Variants in ASAP1 observed in about 807,000 individuals in gnomAD.
ASAP1 encodes arf-GAP with SH3 domain, ANK repeat and PH domain-containing protein 1.
A neutral mutation model predicts 145.2 loss-of-function variants in ASAP1; 43 were observed. That is an observed-to-expected ratio of 0.30 (90% confidence interval 0.23 to 0.38). The LOEUF (loss-of-function observed/expected upper bound fraction) is 0.38, where lower values mean the gene tolerates loss of function less well. Ranked by LOEUF, ASAP1 falls within the 10% of genes least tolerant of loss-of-function variation. The pLI is 1.00. For synonymous variants in ASAP1, 546 were observed against 515.5 expected, an observed-to-expected ratio of 1.06 and a Z score of -0.80; for missense variants, 1,018 against 1,355.3, an observed-to-expected ratio of 0.75 and a Z score of 3.91.
intron 12 of ASAP1, among the ~76,000 whole-genome samples, chr8:130,156,273 T>G (rs954418467): frequency 2.0e-5 from 3 of 152,202 alleles, no homozygotes; most frequent in African/African-American, 7.2e-5. Context: ...TGTATAAGCA[T>G]TTCAATTTTT....
intron 1 of ASAP1, among the ~76,000 whole-genome samples, chr8:130,407,856 G>T (rs959793775): frequency 1.3e-5 from 2 of 152,186 alleles, no homozygotes; most frequent in African/African-American, 2.4e-5. Flanking sequence ...CTTTTATAGA[G>T]GATGTTATAA....
At chr8:130,173,775 A>G (rs1044551578) in intron 9 of ASAP1, among the ~76,000 whole-genome samples, 5 of 149,280 alleles carry the variant, frequency 3.3e-5, no homozygotes, top group African/African-American at 1.2e-4. Flanking sequence ...CTCAAAAAGA[A>G]AAAAAAAAAT....
At chr8:130,397,972 T>C (rs1157520216) in intron 2 of ASAP1, among the ~76,000 whole-genome samples, 2 of 152,216 alleles carry the variant, frequency 1.3e-5, no homozygotes, top group Non-Finnish European at 2.9e-5. Context: ...ACATAAGTAA[T>C]AAGCAGTTAT....
chr8:130,364,532 T>C lies in ASAP1; in HGVS notation c.60-6389A>G, dbSNP rs538160887. Among the ~76,000 whole-genome samples the C allele has an allele frequency of 3.7e-4, 57 of 152,364 alleles. 1 individual carries two copies. The highest frequency in any genetic ancestry group is 3.3e-3 in the Admixed American group (50 of 15,306). ...CCATGTGATCAGCCACCATGCTCTG[T>C]TGGCTTATCAAAGACAATGGATGAG... On this transcript the variant is annotated intron_variant, in intron 2 of 29. Transcript: ENST00000518721.
intron 3 of ASAP1, among the ~76,000 whole-genome samples, chr8:130,301,992 G>C (rs1306236086): frequency 6.6e-6 from 1 of 152,198 alleles, no homozygotes. Context: ...CTAGAGCCCA[G>C]AGCCTGCTAC....
intron 4 of ASAP1, among the ~76,000 whole-genome samples, chr8:130,229,499 G>C (rs1817781094): frequency 6.6e-6 from 1 of 152,174 alleles, no homozygotes. Flanking sequence ...GACTGTAGTT[G>C]TCAAGAAGGG....
chr8:130,397,204 G>A lies in ASAP1; in HGVS notation c.59+4681C>T, dbSNP rs576727057. On this transcript the variant is annotated intron_variant, in intron 2 of 29. Coordinates refer to ENST00000518721, the MANE Select transcript of ASAP1 (RefSeq NM_018482.4). ...TGCCCAGACTGGAGTGCAATGGCACGATCTCAGCTCACTGCAACCTCTGCC... is the reference window on the plus strand; with the variant it reads ...TGCCCAGACTGGAGTGCAATGGCACAATCTCAGCTCACTGCAACCTCTGCC... 1.6e-3 allele frequency among the ~76,000 whole-genome samples: 244 copies of A among 152,176 alleles called. 1 individual carries two copies. The Middle Eastern group carries it at 0.02, about 13-fold the overall frequency.
chr8:130,247,064 AC>A (rs1818894690), intron 3 of ASAP1: 1 of 152,128 alleles, frequency 6.6e-6, no homozygotes, highest in Non-Finnish European at 1.5e-5. Flanking sequence ...GGTCATAGAG[AC>A]CTGTGTCACT....
Position 130,410,607 on chromosome 8 carries a change from T to G in ASAP1, c.-27-8637A>C, listed in dbSNP as rs1457805716. 2.0e-5 allele frequency among the ~76,000 whole-genome samples: 3 copies of G among 152,248 alleles called. No individual in the cohort carries two copies. The East Asian group carries it at 5.8e-4, about 29-fold the overall frequency. On this transcript the variant is annotated intron_variant, in intron 1 of 29. Transcript: ENST00000518721. The stretch of plus-strand genomic sequence containing the variant: ...AAATCCAAGGGAGCCTAGGGTCTGC[T>G]GTGCTGCCCATTGTGTGATCATATC...
At chr8:130,125,821 C>T (rs573690344) in intron 17 of ASAP1, 135 bp downstream of exon 17, 12 of 841,670 alleles carry the variant, frequency 1.4e-5, no homozygotes, top group Admixed American at 6.3e-5. Flanking sequence ...ACATTTTAAA[C>T]GTCTACGCAA....
At chr8:130,433,088 G>A (rs1293044086) in intron 1 of ASAP1, among the ~76,000 whole-genome samples, 1 of 152,202 alleles carries the variant, frequency 6.6e-6, no homozygotes, top group South Asian at 2.1e-4. Context: ...ACTGTCCTAC[G>A]AGAGGAAACT....
rs5895034 is a variant in ASAP1, at chr8:130,074,486, C to CACACACACACAG, written c.2701+1861_2701+1862insCTGTGTGTGTGT. Among the ~76,000 whole-genome samples the CACACACACACAG allele has an allele frequency of 6.1e-4, 86 of 140,584 alleles. 1 individual carries two copies. The highest frequency in any genetic ancestry group is 9.4e-4 in the South Asian group (4 of 4,270). The allele number at this position is 140,584 out of a possible 152,430, so 92.2% of individuals were successfully genotyped here. On this transcript the variant is annotated intron_variant, in intron 27 of 29. Transcript: ENST00000518721. ...ACACACACACACACACACACACACACAGAGAGAACGAGAGTAGAGCAACGG... is the reference window on the plus strand; with the variant it reads ...ACACACACACACACACACACACACACACACACACACAGAGAGAGAACGAGAGTAGAGCAACGG...
At chr8:130,190,250 C>T (rs573537317) in intron 5 of ASAP1, among the ~76,000 whole-genome samples, 9 of 152,044 alleles carry the variant, frequency 5.9e-5, no homozygotes, top group Non-Finnish European at 1.2e-4. Flanking sequence ...GGAGAGTTTC[C>T]CCCAAAGTTT....
intron 2 of ASAP1, among the ~76,000 whole-genome samples, chr8:130,384,787 C>A (rs1827936346): frequency 6.6e-6 from 1 of 152,158 alleles, no homozygotes; most frequent in Admixed American, 6.5e-5. Flanking sequence ...ACTTCACATC[C>A]CTCAATGACT....
At chr8:130,401,085 T>C (rs1007928769) in intron 2 of ASAP1, among the ~76,000 whole-genome samples, 2 of 151,908 alleles carry the variant, frequency 1.3e-5, no homozygotes, top group African/African-American at 4.8e-5. Context: ...TTTCACCATG[T>C]TGGCCAGGCT....
intron 3 of ASAP1, among the ~76,000 whole-genome samples, chr8:130,328,437 A>C (rs945053471): frequency 6.6e-6 from 1 of 152,202 alleles, no homozygotes; most frequent in Non-Finnish European, 1.5e-5. Context: ...TAAAGTAATT[A>C]AATTTTGCTG....
intron 3 of ASAP1, among the ~76,000 whole-genome samples, chr8:130,298,063 G>A (rs951557940): frequency 6.6e-6 from 1 of 152,170 alleles, no homozygotes; most frequent in African/African-American, 2.4e-5. Context: ...CTAAACATGG[G>A]TGTTGGATGG....
At chr8:130,112,052 C>A (rs1281894383) in intron 24 of ASAP1, 42 bp downstream of exon 24, 2 of 1,555,162 alleles carry the variant, frequency 1.3e-6, no homozygotes, top group Non-Finnish European at 1.8e-6. Flanking sequence ...GAGTCACAAG[C>A]CCTTCGAGGA....
chr8:130,275,832 A>T (rs1424203308), intron 3 of ASAP1, among the ~76,000 whole-genome samples: 1 of 152,210 alleles, frequency 6.6e-6, no homozygotes, highest in Non-Finnish European at 1.5e-5. Context: ...TCTCCAATGG[A>T]AAAGGCATGT....
Sources: gnomAD v4.1 joint callset for allele counts (sites outside exome capture counted in the v4.1 genomes callset) on GRCh38, gnomAD v4.1.1 for gene constraint, MANE v1.5 for transcripts, NCBI Gene and HGNC (gene_info 2026-07-23, HGNC 2026-07-21) for gene names.